The following KMT5C variants were observed in gnomAD, a reference collection of about 807,000 sequenced individuals.
KMT5C encodes the protein histone-lysine N-methyltransferase KMT5C.
A neutral mutation model predicts 38.2 loss-of-function variants in KMT5C; 16 were observed. The observed-to-expected ratio is 0.42, with a 90% CI of 0.28 to 0.64. KMT5C has a LOEUF of 0.64. Ranked by LOEUF, KMT5C falls within the 30% of genes least tolerant of loss-of-function variation. The probability of loss-of-function intolerance (pLI) is 0.23; values close to 1 mark genes in which losing one functional copy is unlikely to be tolerated. For missense variants in KMT5C, 598 were observed against 665.1 expected, an observed-to-expected ratio of 0.90 and a Z score of 1.11; for synonymous variants, 291 against 279.0, an observed-to-expected ratio of 1.04 and a Z score of -0.43.
rs2089620249 is a variant in KMT5C, at chr19:55,346,578, T to G, written c.786T>G (p.Arg262=). 1 of 1,588,884 alleles carries G rather than the reference T, an allele frequency of 6.3e-7. No individual in the cohort carries two copies. Among genetic ancestry groups the G allele is most frequent in the South Asian group, 1.1e-5 (1 of 87,322 alleles). The change falls in exon 8 of 9, where the codon CGT becomes CGG. Residue 262 remains arginine (R), a synonymous_variant. Transcript: ENST00000255613. ...GGCCCCTGGACAAGTACCAGCTGCG[T>G]GAGACCAAGCGGCGGCTGCAGCAAG... ...PPRPLDKYQL[R]ETKRRLQQGL...
At chr19:55,342,124 C>CT (rs2089564511) in intron 2 of KMT5C, 78 bp downstream of exon 2, 1 of 1,582,730 alleles carries the variant, frequency 6.3e-7, no homozygotes, top group African/African-American at 1.3e-5. Flanking sequence ...CCTCGGCCCT[C>CT]TCCTTAGCCT....
chr19:55,344,944 ATGGGGT>A (rs1268342223), intron 6 of KMT5C: 1 of 468,006 alleles, frequency 2.1e-6, no homozygotes, highest in Non-Finnish European at 4.4e-6. Context: ...TTCATCTCAG[ATGGGGT>A]TGGTGAGGAT....
rs201792039 is a variant in KMT5C, at chr19:55,346,623, A to G, written c.831A>G (p.Arg277=). Residue 277 remains arginine (R), a synonymous_variant, in exon 8 of 9, where the codon CGA becomes CGG. Transcript: ENST00000255613. ...AGCAAGGCCTGGACAGTGGCAGCCGACAGGGCCTGCTGGGCCCTCGGGCCT... is the reference window on the plus strand; with the variant it reads ...AGCAAGGCCTGGACAGTGGCAGCCGGCAGGGCCTGCTGGGCCCTCGGGCCT... The part of the protein sequence containing the change: ...RLQQGLDSGS[R]QGLLGPRACV... 1.3e-4 allele frequency: 208 copies of G among 1,572,116 alleles called. No homozygotes were observed. In the African/African-American group the frequency reaches 2.6e-3, roughly 20 times the overall value.
chr19:55,347,478 G>T lies in KMT5C; in HGVS notation c.*29G>T. ...GCCGGACGGGGAGGCCCAGCAGGGAGAGAGGGTCTCTCTCCTAGCTGCTAC... is the reference window on the plus strand; with the variant it reads ...GCCGGACGGGGAGGCCCAGCAGGGATAGAGGGTCTCTCTCCTAGCTGCTAC... On this transcript the variant is annotated 3_prime_UTR_variant, in exon 9 of 9. Coordinates refer to ENST00000255613, the MANE Select transcript of KMT5C (RefSeq NM_032701.4). This position sits in a 1 kb window ranked among gnomAD's most constrained non-coding sequence, Gnocchi z 4.6. 1 of 1,510,992 alleles carries T rather than the reference G, an allele frequency of 6.6e-7. No individual in the cohort carries two copies. The highest frequency in any genetic ancestry group is 8.8e-7 in the Non-Finnish European group (1 of 1,138,086). 93.6% of individuals were successfully genotyped at this position (1,510,992 alleles called of 1,614,324 possible).
rs1379420917 is a variant in KMT5C, at chr19:55,346,722, C to T, written c.895+35C>T. ...CCTCCCTGCCATCCCAGCAGCCCCT[C>T]CCCTGTCTGCTCCTGGTCATCTGTC... On this transcript the variant is annotated intron_variant, in intron 8 of 8. Transcript: ENST00000255613. 38 of 1,470,146 alleles carry T rather than the reference C, an allele frequency of 2.6e-5. 1 individual carries two copies. In the Middle Eastern group the frequency reaches 9.6e-4, roughly 37 times the overall value. 91.1% of individuals were successfully genotyped at this position (1,470,146 alleles called of 1,614,324 possible). A position where few individuals can be genotyped will look rare whatever the true frequency, so the allele number is the denominator to read the frequency against.
intron 1 of KMT5C, among the ~76,000 whole-genome samples, chr19:55,341,225 C>T (rs2089553090): frequency 1.3e-5 from 2 of 151,434 alleles, no homozygotes. Flanking sequence ...CCGCTTTTGT[C>T]CTCTGAGCCC....
Position 55,343,631 on chromosome 19 carries a change from G to A in KMT5C, c.387-49G>A, listed in dbSNP as rs1471511859. On this transcript the variant is annotated intron_variant, in intron 4 of 8. Transcript: ENST00000255613. This position sits in a 1 kb window ranked among gnomAD's most constrained non-coding sequence, Gnocchi z 5.5. ...GGAGGCCCGAGTCCCCTGAACACCT[G>A]CAGGAGGCCAGGCATCGCCCACAGC... The A allele has an allele frequency of 6.5e-7, 1 of 1,540,940 alleles. No individual in the cohort carries two copies. Among genetic ancestry groups the A allele is most frequent in the Non-Finnish European group, 8.8e-7 (1 of 1,140,552 alleles).
At chr19:55,346,078 G>A in intron 6 of KMT5C, 135 bp from the exon 7 acceptor site, 1 of 1,075,658 alleles carries the variant, frequency 9.3e-7, no homozygotes, top group South Asian at 1.5e-5. Context: ...GCCTCGGAAT[G>A]CCACTTTTAG....
In KMT5C at chr19:55,342,310, C is replaced by T. The variant is rs752858237; in HGVS notation, c.206C>T (p.Thr69Met). The change falls in exon 3 of 9, where the codon ACG (threonine) becomes ATG (methionine). Residue 69 changes from threonine to methionine, a missense_variant. Physicochemically the swap from Thr to Met is moderately conservative, Grantham distance 81. This residue lies in a region of KMT5C where 167 missense variants were observed against 187.8 expected (regional missense o/e 0.89). Transcript: ENST00000255613. ...CTGGAGGCTGCGTACCGGGCCCTGA[C>T]GCTGGGAGGCTGGACGGCCCGCTAC... is the stretch of plus-strand genomic sequence containing the variant. ...RDLEAAYRAL[T>M]LGGWTARYFQ... 1.2e-5 allele frequency: 19 copies of T among 1,584,298 alleles called. No homozygotes were observed. Among genetic ancestry groups the T allele is most frequent in the East Asian group, 2.3e-5 (1 of 43,322 alleles).
chr19:55,342,163 T>C, intron 2 of KMT5C, 52 bp from the exon 3 acceptor site: 1 of 1,595,998 alleles, frequency 6.3e-7, no homozygotes, highest in Non-Finnish European at 8.5e-7. Flanking sequence ...AAGTGGGGGT[T>C]GGGGCCGGGG....
chr19:55,345,993 G>A, intron 6 of KMT5C: 6 of 594,182 alleles, frequency 1.0e-5, no homozygotes, highest in Admixed American at 3.0e-5. Flanking sequence ...CGTCCTGCAG[G>A]GAGGGGTGGA....
In KMT5C at chr19:55,343,805, C is replaced by T; in HGVS notation, c.512C>T (p.Ala171Val). 6.2e-7 allele frequency: 1 copy of T among 1,613,736 alleles called. No individual in the cohort carries two copies. Among genetic ancestry groups the T allele is most frequent in the Non-Finnish European group, 8.5e-7 (1 of 1,179,908 alleles). Residue 171 changes from alanine (A) to valine (V), a missense_variant, in exon 5 of 9, where the codon GCT (alanine) becomes GTT (valine). This residue lies in a region of KMT5C where 105 missense variants were observed against 179.2 expected (regional missense o/e 0.59). Coordinates refer to ENST00000255613, the MANE Select transcript of KMT5C (RefSeq NM_032701.4). This position sits in a 1 kb window ranked among gnomAD's most constrained non-coding sequence, Gnocchi z 5.5. ...ATGTACTCAACCCGCAAGCGGAGTG[C>T]TCAGCTGTGGCTGGGCCCAGCCGCC... ...SIMYSTRKRS[A>V]QLWLGPAAFI...
At chr19:55,341,103 G>A (rs1029888370) in intron 1 of KMT5C, among the ~76,000 whole-genome samples, 1 of 152,156 alleles carries the variant, frequency 6.6e-6, no homozygotes, top group African/African-American at 2.4e-5. Context: ...TAGGGGTTTG[G>A]GTGGTTTTCT....
rs73607024 is a variant in KMT5C at position 55,343,322 on chromosome 19, C to T, written c.387-358C>T. The T allele has an allele frequency of 0.055, 19,097 of 346,948 alleles. 758 individuals are homozygous for T. Among genetic ancestry groups the T allele is most frequent in the African/African-American group, 0.11 (5,163 of 48,422 alleles). The allele number at this position is 346,948 out of a possible 1,614,324, so 21.5% of individuals were successfully genotyped here. On this transcript the variant is annotated intron_variant, in intron 4 of 8. Coordinates refer to ENST00000255613, the MANE Select transcript of KMT5C (RefSeq NM_032701.4). This position sits in a 1 kb window ranked among gnomAD's most constrained non-coding sequence, Gnocchi z 5.5. The stretch of plus-strand genomic sequence containing the variant: ...GCTCCCAGGGCGAGGCTCACACTGA[C>T]AGGGGAAGCACCCGCCTGAGGGTCT...
Position 55,341,786 on chromosome 19 carries a change from T to C in KMT5C, c.-143-8T>C, listed in dbSNP as rs1281541322. On this transcript the variant is annotated splice_region_variant and splice_polypyrimidine_tract_variant and intron_variant, in intron 1 of 8. Coordinates refer to ENST00000255613, the MANE Select transcript of KMT5C (RefSeq NM_032701.4). ...GAAGTCAGCACTGCTTTTCTCCCCA[T>C]TTTGCAGATGAGATCGTGGGGCTCA... The C allele has an allele frequency of 4.7e-6, 3 of 636,602 alleles. No homozygotes were observed. Among genetic ancestry groups the C allele is most frequent in the African/African-American group, 1.8e-5 (1 of 54,498 alleles). The allele number at this position is 636,602 out of a possible 1,614,324, so 39.4% of individuals were successfully genotyped here.
chr19:55,340,121 C>T (rs1369256740), intron 1 of KMT5C, among the ~76,000 whole-genome samples, 164 bp downstream of exon 1: 1 of 151,740 alleles, frequency 6.6e-6, no homozygotes, highest in Non-Finnish European at 1.5e-5. Flanking sequence ...GCCTCGGGCT[C>T]CGCGGCACTG....
chr19:55,341,589 C>A, intron 1 of KMT5C: 1 of 320,792 alleles, frequency 3.1e-6, no homozygotes, highest in Non-Finnish European at 5.9e-6. Context: ...GGGGCATCTG[C>A]GTGTGTCAGT....
rs745675399 is a variant in KMT5C, at chr19:55,346,215, T to C, written c.573T>C (p.Phe191=). The C allele has an allele frequency of 6.2e-7, 1 of 1,613,692 alleles. No homozygotes were observed. Among genetic ancestry groups the C allele is most frequent in the African/African-American group, 1.3e-5 (1 of 74,902 alleles). The change falls in exon 7 of 9, where the codon TTT becomes TTC. Residue 191 remains phenylalanine, a splice_region_variant and synonymous_variant. Transcript: ENST00000255613. ...INHDCKPNCK[F]VPADGNAACV... Reference sequence around the variant, plus strand: ...CGCTGAGTGGGCTTGGCCCTCAGTTTGTGCCTGCAGATGGGAACGCAGCCT... The same window carrying C: ...CGCTGAGTGGGCTTGGCCCTCAGTTCGTGCCTGCAGATGGGAACGCAGCCT...
chr19:55,344,017 G>C lies in KMT5C; in HGVS notation c.570+20G>C. ...TGCAAGGTAAGGCCTTGGGACTCGG[G>C]AGGAGAGGGCACGCAGGAAGAAAGG... On this transcript the variant is annotated intron_variant, in intron 6 of 8. Transcript: ENST00000255613. 1 of 1,609,350 alleles carries C rather than the reference G, an allele frequency of 6.2e-7. No homozygotes were observed. The highest frequency in any genetic ancestry group is 8.5e-7 in the Non-Finnish European group (1 of 1,176,240).
Sources: allele counts gnomAD v4.1 joint callset (sites outside exome capture counted in the v4.1 genomes callset), GRCh38; gene constraint gnomAD v4.1.1; regional missense constraint gnomAD v4.1.1; non-coding constraint Gnocchi (gnomAD v3.1); transcripts MANE v1.5; gene names NCBI Gene and HGNC (gene_info 2026-07-23, HGNC 2026-07-21).